LITAF: variants seen among roughly 807,000 people sequenced by gnomAD.
The protein encoded by LITAF is lipopolysaccharide induced TNF factor.
In LITAF, 9 loss-of-function variants were observed where a neutral mutation model predicts 14.5. That is an observed-to-expected ratio of 0.62 (90% CI 0.37 to 1.08). LITAF has a LOEUF of 1.08. LITAF is among the 50% of genes least tolerant of loss of function. The probability of loss-of-function intolerance (pLI) is 0.01; values close to 1 mark genes in which losing one functional copy is unlikely to be tolerated. For synonymous variants in LITAF, 98 were observed against 88.2 expected (o/e 1.11, Z -0.62); for missense variants, 206 against 213.4 (o/e 0.97, Z 0.22).
In LITAF at chr16:11,558,117, G is replaced by A. The variant is rs962665015; in HGVS notation, c.-5-1382C>T. 1.8e-4 allele frequency among the ~76,000 whole-genome samples: 27 copies of A among 152,160 alleles called. No individual in the cohort carries two copies. The highest frequency in any genetic ancestry group is 1.6e-3 in the Admixed American group (25 of 15,280). ...GCCACAACCACCACTCCCCTCTCCC[G>A]ACACTGTCTGCCTCATTTTCTAGAA... is the stretch of plus-strand genomic sequence containing the variant. On this transcript the variant is annotated intron_variant, in intron 1 of 3. Coordinates refer to ENST00000622633, the MANE Select transcript of LITAF (RefSeq NM_001136472.2). The surrounding 1 kb of genome is among the most constrained non-coding windows in gnomAD (Gnocchi z 4.1).
Position 11,603,704 on chromosome 16 carries a change from A to T in LITAF, c.85+29829T>A, listed in dbSNP as rs567135751. Among the ~76,000 whole-genome samples the T allele has an allele frequency of 1.1e-4, 16 of 152,302 alleles. No homozygotes were observed. In the East Asian group the frequency reaches 1.5e-3, roughly 15 times the overall value. On this transcript the variant is annotated intron_variant, in intron 3 of 3. Transcript: ENST00000574848. ...AGGCATGCAATTGTGTTTCCAGCTT[A>T]GCTGACAAAGAGCTCTCAGAACTCC...
At chr16:11,581,997 G>A (rs868140067) in intron 1 of LITAF, among the ~76,000 whole-genome samples, 9 of 152,154 alleles carry the variant, frequency 5.9e-5, no homozygotes, top group African/African-American at 1.9e-4. Flanking sequence ...AGTTCAATGG[G>A]AGGAATAAGT....
intron 1 of LITAF, among the ~76,000 whole-genome samples, chr16:11,594,567 G>T (rs905532937): frequency 6.6e-6 from 1 of 152,110 alleles, no homozygotes; most frequent in Admixed American, 6.6e-5. Flanking sequence ...GGAGGAAAAG[G>T]TTTCCAAGGA....
chr16:11,585,346 T>C (rs2064791164), intron 1 of LITAF, among the ~76,000 whole-genome samples: 1 of 152,132 alleles, frequency 6.6e-6, no homozygotes, highest in African/African-American at 2.4e-5. Flanking sequence ...ATGCATCAAT[T>C]ATTCATGCCT....
At chr16:11,606,499 G>A (rs919447126) in intron 3 of LITAF, among the ~76,000 whole-genome samples, 8 of 152,036 alleles carry the variant, frequency 5.3e-5, no homozygotes, top group Non-Finnish European at 7.4e-5. Flanking sequence ...TTAAAAGTAC[G>A]CACATGAATG....
intron 3 of LITAF, among the ~76,000 whole-genome samples, chr16:11,617,401 C>A (rs1464219970): frequency 6.8e-6 from 1 of 147,010 alleles, no homozygotes; most frequent in East Asian, 2.0e-4. Context: ...GCAGTCCCAG[C>A]AATATATCAA....
intron 1 of LITAF, among the ~76,000 whole-genome samples, chr16:11,593,189 A>G (rs923201608): frequency 6.6e-6 from 1 of 150,818 alleles, no homozygotes; most frequent in East Asian, 2.0e-4. Flanking sequence ...TAAATAAATA[A>G]AAATAAAAAT....
intron 3 of LITAF, among the ~76,000 whole-genome samples, chr16:11,628,323 C>T (rs2065096950): frequency 6.6e-6 from 1 of 152,146 alleles, no homozygotes; most frequent in South Asian, 2.1e-4. Context: ...CTTTCTCTTC[C>T]AGCTAAGAGT....
chr16:11,553,346 G>C lies in LITAF; in HGVS notation c.377+187C>G. On this transcript the variant is annotated intron_variant, in intron 3 of 3. Transcript: ENST00000622633. The surrounding 1 kb of genome is among the most constrained non-coding windows in gnomAD (Gnocchi z 7.7). The stretch of plus-strand genomic sequence containing the variant: ...GAATCGTTTGAACCTGAGCAGTGGG[G>C]GTTACAGTGAGCCGAGATCGCCCCA... The C allele has an allele frequency of 3.1e-6, 2 of 635,152 alleles. No individual in the cohort carries two copies. Among genetic ancestry groups the C allele is most frequent in the Non-Finnish European group, 5.6e-6 (2 of 359,064 alleles). The allele number at this position is 635,152 out of a possible 1,614,324, so 39.3% of individuals were successfully genotyped here.
At chr16:11,555,011 T>G (rs1156566859) in intron 2 of LITAF, among the ~76,000 whole-genome samples, 3 of 152,078 alleles carry the variant, frequency 2.0e-5, no homozygotes, top group Non-Finnish European at 2.9e-5. Flanking sequence ...TAGTATTAAA[T>G]CATACTTTAG....
chr16:11,588,588 G>T (rs2141847326), upstream of LITAF, among the ~76,000 whole-genome samples: 1 of 138,184 alleles, frequency 7.2e-6, no homozygotes, highest in Admixed American at 7.1e-5. Flanking sequence ...GAGAAGGAAA[G>T]AAGGAAGGGA....
At chr16:11,624,986 G>A (rs905508122) in intron 3 of LITAF, among the ~76,000 whole-genome samples, 15 of 152,258 alleles carry the variant, frequency 9.9e-5, no homozygotes, top group Admixed American at 2.0e-4. Context: ...GAGAGGTCAC[G>A]TGAAGGAGAC....
upstream of LITAF, among the ~76,000 whole-genome samples, chr16:11,638,665 C>A (rs922293857): frequency 6.0e-5 from 8 of 133,066 alleles, no homozygotes; most frequent in Non-Finnish European, 1.2e-4. Context: ...CACGCCTCTG[C>A]ACTCCAGCCT....
upstream of LITAF, among the ~76,000 whole-genome samples, chr16:11,636,707 C>CAATA (rs879681532): frequency 0.06 from 9,205 of 152,166 alleles, 955 homozygotes; most frequent in African/African-American, 0.21. Flanking sequence ...GCACAGCTGC[C>CAATA]GGCATTCACC....
In LITAF at chr16:11,548,802, C is replaced by T; in HGVS notation, c.*835G>A. On this transcript the variant is annotated 3_prime_UTR_variant, in exon 4 of 4. Transcript: ENST00000622633. ...ACCAGCCTGGGCAACATAGTAAGAC[C>T]CCATCTCTGTTTTTTTTTAAAAAAA... The T allele has an allele frequency of 2.2e-6, 1 of 453,244 alleles. No individual in the cohort carries two copies. Among genetic ancestry groups the T allele is most frequent in the Non-Finnish European group, 4.4e-6 (1 of 226,630 alleles). 28.1% of individuals were successfully genotyped at this position (453,244 alleles called of 1,614,324 possible).
chr16:11,575,039 G>T (rs1468603609), intron 1 of LITAF, among the ~76,000 whole-genome samples: 1 of 152,128 alleles, frequency 6.6e-6, no homozygotes, highest in Non-Finnish European at 1.5e-5. Context: ...CTGACCTCAA[G>T]TGATCCGCCC....
In LITAF at chr16:11,634,232, C is replaced by T. The variant is rs2065129696; in HGVS notation, c.-20-595G>A. On this transcript the variant is annotated intron_variant, in intron 2 of 3. Transcript: ENST00000574848. This position sits in a 1 kb window ranked among gnomAD's most constrained non-coding sequence, Gnocchi z 4.1. ...CTGATCTAACCAACCCCCATCTTGCCTTTCACCTCCAAACTGCTCTTCATC... is the reference window on the plus strand; with the variant it reads ...CTGATCTAACCAACCCCCATCTTGCTTTTCACCTCCAAACTGCTCTTCATC... Among the ~76,000 whole-genome samples, 4 of 152,202 alleles carry T rather than the reference C, an allele frequency of 2.6e-5. No homozygotes were observed. Among genetic ancestry groups the T allele is most frequent in the Admixed American group, 2.6e-4 (4 of 15,278 alleles).
rs112106219 is a variant in LITAF, at chr16:11,553,351, C to T, written c.377+182G>A. On this transcript the variant is annotated intron_variant, in intron 3 of 3. Transcript: ENST00000622633. This position sits in a 1 kb window ranked among gnomAD's most constrained non-coding sequence, Gnocchi z 7.7. ...GTTTGAACCTGAGCAGTGGGGGTTA[C>T]AGTGAGCCGAGATCGCCCCACTGTA... is the stretch of plus-strand genomic sequence containing the variant. 3 of 649,466 alleles carry T rather than the reference C, an allele frequency of 4.6e-6. No homozygotes were observed. The highest frequency in any genetic ancestry group is 5.4e-6 in the Non-Finnish European group (2 of 370,810). 40.2% of individuals were successfully genotyped at this position (649,466 alleles called of 1,614,324 possible). A position where few individuals can be genotyped will look rare whatever the true frequency, so the allele number is the denominator to read the frequency against.
rs538176652 is a variant in LITAF at position 11,557,532 on chromosome 16, C to T, written c.-5-797G>A. 3.3e-5 allele frequency among the ~76,000 whole-genome samples: 5 copies of T among 152,222 alleles called. No individual in the cohort carries two copies. In the East Asian group the frequency reaches 7.7e-4, roughly 23 times the overall value. ...TGGTGTGATCTCAGCTCACTGCAGC[C>T]TCCACCACCCAGGCTCAGGTGATCT... On this transcript the variant is annotated intron_variant, in intron 1 of 3. Coordinates refer to ENST00000622633, the MANE Select transcript of LITAF (RefSeq NM_001136472.2).
Sources: allele counts gnomAD v4.1 joint callset (sites outside exome capture counted in the v4.1 genomes callset), GRCh38; gene constraint gnomAD v4.1.1; non-coding constraint Gnocchi (gnomAD v3.1); transcripts MANE v1.5; gene names NCBI Gene and HGNC (gene_info 2026-07-23, HGNC 2026-07-21).